SRBD1: variants seen among roughly 807,000 people sequenced by gnomAD.
The protein encoded by SRBD1 is S1 RNA binding domain 1, also known as S1 RNA-binding domain-containing protein 1.
A neutral mutation model predicts 115.3 loss-of-function variants in SRBD1; 88 were observed. That is an observed-to-expected ratio of 0.76 (90% CI 0.64 to 0.91). The LOEUF (loss-of-function observed/expected upper bound fraction) is 0.91. Ranked by LOEUF, SRBD1 falls within the 40% of genes least tolerant of loss-of-function variation. The probability of loss-of-function intolerance (pLI) is 0.00; values close to 1 mark genes in which losing one functional copy is unlikely to be tolerated. For synonymous variants in SRBD1, 509 were observed against 407.7 expected (o/e 1.25, Z -2.99); for missense variants, 1,385 against 1,177.4 (o/e 1.18, Z -2.58).
At chr2:45,541,416 C>G (rs1438587036) in intron 14 of SRBD1, among the ~76,000 whole-genome samples, 1 of 152,204 alleles carries the variant, frequency 6.6e-6, no homozygotes, top group African/African-American at 2.4e-5. Flanking sequence ...ATGTTTCAGC[C>G]CTGTTTGTGT....
At chr2:45,492,240 A>C (rs762599862) in intron 14 of SRBD1, among the ~76,000 whole-genome samples, 1 of 152,252 alleles carries the variant, frequency 6.6e-6, no homozygotes, top group Non-Finnish European at 1.5e-5. Flanking sequence ...CAGAATTGAT[A>C]TCTCTACAGT....
chr2:45,486,476 C>T lies in SRBD1; in HGVS notation c.1966+1764G>A, dbSNP rs547552990. 6.6e-5 allele frequency among the ~76,000 whole-genome samples: 10 copies of T among 152,096 alleles called. No homozygotes were observed. The South Asian group carries it at 2.1e-3, about 32-fold the overall frequency. ...GGTGCGGTGGCTCACGCCTGTAATC[C>T]CAGCACTTTGGGAGGCCGAGGTGGG... is the stretch of plus-strand genomic sequence containing the variant. On this transcript the variant is annotated intron_variant, in intron 15 of 20. Coordinates refer to ENST00000263736, the MANE Select transcript of SRBD1 (RefSeq NM_018079.5).
intron 15 of SRBD1, among the ~76,000 whole-genome samples, chr2:45,478,269 GGTCTGGAAACAAAA>G (rs1471729123): frequency 2.6e-5 from 4 of 152,188 alleles, no homozygotes; most frequent in Admixed American, 2.6e-4. Flanking sequence ...AGCTGTTCAA[GGTCTGGAAACAAAA>G]GTCATCTCTT....
chr2:45,449,031 C>T (rs558895677), intron 16 of SRBD1, among the ~76,000 whole-genome samples: 2 of 152,222 alleles, frequency 1.3e-5, no homozygotes, highest in East Asian at 3.8e-4. Context: ...TTTATTTTCA[C>T]ATTTTATTAA....
intron 16 of SRBD1, among the ~76,000 whole-genome samples, chr2:45,433,911 A>G (rs1668412300): frequency 6.6e-6 from 1 of 152,224 alleles, no homozygotes. Context: ...TAAATAATTC[A>G]TTGTGCCTAT....
chr2:45,415,562 C>T (rs897521452), intron 18 of SRBD1, among the ~76,000 whole-genome samples: 69 of 141,612 alleles, frequency 4.9e-4, no homozygotes, highest in Admixed American at 2.8e-3. Context: ...AGTCTGTATA[C>T]GTATATATAG....
intron 16 of SRBD1, among the ~76,000 whole-genome samples, chr2:45,446,211 T>C (rs1668820041): frequency 1.3e-5 from 2 of 152,208 alleles, no homozygotes; most frequent in African/African-American, 2.4e-5. Flanking sequence ...CACACAGATG[T>C]TGGCCTTCTG....
chr2:45,491,522 GT>G (rs200016311), intron 14 of SRBD1, among the ~76,000 whole-genome samples: 1,701 of 152,202 alleles, frequency 0.011, 12 homozygotes, highest in Non-Finnish European at 0.013. Flanking sequence ...AATTGCTATA[GT>G]TTAGACCTTC....
At chr2:45,490,413 C>T (rs2103860516) in intron 14 of SRBD1, among the ~76,000 whole-genome samples, 2 of 152,216 alleles carry the variant, frequency 1.3e-5, no homozygotes, top group Middle Eastern at 6.8e-3. Context: ...TTAAGAAACA[C>T]TACTACAGGA....
At chr2:45,557,496 T>C (rs189072539) in intron 10 of SRBD1, among the ~76,000 whole-genome samples, 2 of 152,302 alleles carry the variant, frequency 1.3e-5, no homozygotes, top group Non-Finnish European at 2.9e-5. Flanking sequence ...TCTCCTCCCC[T>C]TCCTGGAACA....
At chr2:45,416,873 G>C (rs985078766) in intron 18 of SRBD1, among the ~76,000 whole-genome samples, 1 of 152,054 alleles carries the variant, frequency 6.6e-6, no homozygotes, top group African/African-American at 2.4e-5. Flanking sequence ...CCACCTCCTG[G>C]GTTCAGGCAA....
chr2:45,530,149 A>T (rs1050548172), intron 14 of SRBD1, among the ~76,000 whole-genome samples: 5 of 151,998 alleles, frequency 3.3e-5, no homozygotes, highest in Admixed American at 1.3e-4. Context: ...AGGTAGTGGG[A>T]ATTTCAGGTA....
chr2:45,432,826 T>C (rs1482581722), intron 16 of SRBD1, among the ~76,000 whole-genome samples: 1 of 152,216 alleles, frequency 6.6e-6, no homozygotes, highest in Non-Finnish European at 1.5e-5. Context: ...ATATAAGTGA[T>C]CATTTATGCT....
At chr2:45,408,760 T>A (rs890634562) in intron 19 of SRBD1, among the ~76,000 whole-genome samples, 1 of 152,132 alleles carries the variant, frequency 6.6e-6, no homozygotes, top group Non-Finnish European at 1.5e-5. Flanking sequence ...CTACTATAAC[T>A]AAAATAAGTT....
intron 4 of SRBD1, among the ~76,000 whole-genome samples, chr2:45,596,948 A>ACC (rs1553362251): frequency 6.8e-6 from 1 of 147,284 alleles, no homozygotes; most frequent in Non-Finnish European, 1.5e-5. Context: ...ACACACACAC[A>ACC]CACCCACAAC....
intron 19 of SRBD1, among the ~76,000 whole-genome samples, chr2:45,401,669 C>G (rs1433098876): frequency 1.3e-5 from 2 of 152,200 alleles, no homozygotes; most frequent in Non-Finnish European, 2.9e-5. Context: ...AGTTAGCTGG[C>G]ATGCCAATGC....
Position 45,398,843 on chromosome 2 carries a change from C to A in SRBD1, c.2514-5714G>T, listed in dbSNP as rs998577233. 2.6e-5 allele frequency among the ~76,000 whole-genome samples: 4 copies of A among 152,176 alleles called. No individual in the cohort carries two copies. The East Asian group carries it at 5.8e-4, about 22-fold the overall frequency. On this transcript the variant is annotated intron_variant, in intron 19 of 20. Coordinates refer to ENST00000263736, the MANE Select transcript of SRBD1 (RefSeq NM_018079.5). ...ACTTTCCCTATTTCAGAACCACTCG[C>A]TTTATACTGTGTAATTATCATATAA...
intron 16 of SRBD1, among the ~76,000 whole-genome samples, chr2:45,463,332 T>A (rs1175648288): frequency 1.3e-5 from 2 of 152,194 alleles, no homozygotes; most frequent in African/African-American, 4.8e-5. Flanking sequence ...ATAATGATGA[T>A]GTCTTCCCCT....
At chr2:45,478,353 G>C (rs900183975) in intron 15 of SRBD1, among the ~76,000 whole-genome samples, 2 of 152,126 alleles carry the variant, frequency 1.3e-5, no homozygotes, top group African/African-American at 4.8e-5. Flanking sequence ...TCAGACATAA[G>C]ATCTACTTAT....
Sources: allele counts gnomAD v4.1 joint callset (sites outside exome capture counted in the v4.1 genomes callset), GRCh38; gene constraint gnomAD v4.1.1; transcripts MANE v1.5; gene names NCBI Gene and HGNC (gene_info 2026-07-23, HGNC 2026-07-21).